Variants in DLGAP2 observed in about 807,000 individuals in gnomAD.
DLGAP2 encodes disks large-associated protein 2.
In DLGAP2, 26 loss-of-function variants were observed where a neutral mutation model predicts 100.3. The observed-to-expected ratio is 0.26, with a 90% CI of 0.19 to 0.36. The LOEUF (loss-of-function observed/expected upper bound fraction) is 0.36, where lower values mean the gene tolerates loss of function less well. Among genes scored for constraint, DLGAP2 ranks in the 10% least tolerant of loss-of-function variants. DLGAP2 has a pLI of 1.00. For synonymous variants in DLGAP2, 886 were observed against 630.1 expected, an observed-to-expected ratio of 1.41 and a Z score of -6.08; for missense variants, 1,858 against 1,453.2, an observed-to-expected ratio of 1.28 and a Z score of -4.53.
At chr8:1,219,734 C>T (rs886406256) in intron 2 of DLGAP2, among the ~76,000 whole-genome samples, 2 of 151,998 alleles carry the variant, frequency 1.3e-5, no homozygotes, top group African/African-American at 4.8e-5. Context: ...GCTGTGAATC[C>T]GTATGTCCCA....
At chr8:912,315 G>T (rs952195617) in intron 2 of DLGAP2, among the ~76,000 whole-genome samples, 1 of 152,308 alleles carries the variant, frequency 6.6e-6, no homozygotes, top group African/African-American at 2.4e-5. Flanking sequence ...TATAAAAGTT[G>T]GGTGGAAAGG....
intron 1 of DLGAP2, among the ~76,000 whole-genome samples, chr8:792,192 A>G (rs185429928): frequency 6.6e-6 from 1 of 152,356 alleles, no homozygotes. Flanking sequence ...ATATTTATGT[A>G]ATCACCACTT....
chr8:1,568,581 T>G (rs1802515020), intron 6 of DLGAP2, among the ~76,000 whole-genome samples: 1 of 113,156 alleles, frequency 8.8e-6, no homozygotes, highest in African/African-American at 3.5e-5. Context: ...CAGACACAAA[T>G]CCGTCTCTGC....
At chr8:1,269,304 C>G (rs1283131043) in intron 3 of DLGAP2, among the ~76,000 whole-genome samples, 1 of 152,172 alleles carries the variant, frequency 6.6e-6, no homozygotes, top group Non-Finnish European at 1.5e-5. Flanking sequence ...CCTGGAGCTC[C>G]CAGCCTGCAG....
At chr8:1,504,069 A>T (rs574562084) in intron 4 of DLGAP2, among the ~76,000 whole-genome samples, 2 of 152,100 alleles carry the variant, frequency 1.3e-5, no homozygotes, top group South Asian at 4.1e-4. Context: ...TGCAAATATT[A>T]GGTCTTGACC....
intron 3 of DLGAP2, among the ~76,000 whole-genome samples, chr8:1,436,622 A>C (rs1422605832): frequency 6.6e-6 from 1 of 152,178 alleles, no homozygotes; most frequent in Non-Finnish European, 1.5e-5. Context: ...TGAGGAATGA[A>C]AAGTATTTTT....
intron 2 of DLGAP2, among the ~76,000 whole-genome samples, chr8:928,319 G>A (rs552556977): frequency 6.6e-6 from 1 of 152,120 alleles, no homozygotes; most frequent in Non-Finnish European, 1.5e-5. Flanking sequence ...ATCCTGGACA[G>A]GGATTACGGA....
Position 1,511,188 on chromosome 8 carries a change from C to G in DLGAP2, c.172+9757C>G, listed in dbSNP as rs1020240512. Among the ~76,000 whole-genome samples the G allele has an allele frequency of 3.3e-4, 50 of 151,558 alleles. 1 individual carries two copies. Among genetic ancestry groups the G allele is most frequent in the Admixed American group, 1.3e-4 (2 of 15,262 alleles). On this transcript the variant is annotated intron_variant, in intron 4 of 14. Coordinates refer to ENST00000637795, the MANE Select transcript of DLGAP2 (RefSeq NM_001346810.2). ...TGTAGGACAATCAATAGATGACCAT[C>G]TTCCATGGACGTAAGTGCTGTCTAG...
intron 2 of DLGAP2, among the ~76,000 whole-genome samples, chr8:1,032,097 C>T (rs970997740): frequency 3.9e-5 from 6 of 152,248 alleles, no homozygotes; most frequent in African/African-American, 1.4e-4. Flanking sequence ...TTTCTGAAAA[C>T]ACATCTGCCC....
rs950666004 is a variant in DLGAP2, at chr8:1,253,864, G to A, written c.74-4987G>A. Among the ~76,000 whole-genome samples the A allele has an allele frequency of 2.6e-5, 4 of 152,202 alleles. No homozygotes were observed. The South Asian group carries it at 6.2e-4, about 24-fold the overall frequency. On this transcript the variant is annotated intron_variant, in intron 2 of 14. Transcript: ENST00000637795. The stretch of plus-strand genomic sequence containing the variant: ...GGGGAAGAATTCATTGAAAGGGTCC[G>A]TGCTGCTGTGAGTACGCTTGCTGTG...
chr8:970,027 T>C (rs998629511), intron 2 of DLGAP2, among the ~76,000 whole-genome samples: 2 of 152,222 alleles, frequency 1.3e-5, no homozygotes, highest in Non-Finnish European at 2.9e-5. Flanking sequence ...AGCAAAAAAT[T>C]GTTCACACCA....
intron 3 of DLGAP2, among the ~76,000 whole-genome samples, chr8:1,324,253 G>C (rs1800971277): frequency 6.6e-6 from 1 of 152,204 alleles, no homozygotes; most frequent in South Asian, 2.1e-4. Context: ...ACAGAATGGT[G>C]TTTGTAATTC....
chr8:1,409,278 C>A (rs1010347515), intron 3 of DLGAP2, among the ~76,000 whole-genome samples: 5 of 150,344 alleles, frequency 3.3e-5, no homozygotes, highest in African/African-American at 9.8e-5. Context: ...TTGTCTAGAC[C>A]AGCTGAAAAC....
At chr8:1,552,083 C>G (rs781112951) in intron 5 of DLGAP2, among the ~76,000 whole-genome samples, 1 of 152,196 alleles carries the variant, frequency 6.6e-6, no homozygotes, top group East Asian at 1.9e-4. Context: ...TCCAGACACT[C>G]TGGTCCTGTT....
At chr8:1,125,039 G>A (rs1279570183) in intron 2 of DLGAP2, among the ~76,000 whole-genome samples, 1 of 152,050 alleles carries the variant, frequency 6.6e-6, no homozygotes, top group Non-Finnish European at 1.5e-5. Flanking sequence ...CCTCGTTCAG[G>A]GTCTGTATTT....
At chr8:1,236,248 T>C (rs1798651122) in intron 2 of DLGAP2, among the ~76,000 whole-genome samples, 1 of 73,504 alleles carries the variant, frequency 1.4e-5, no homozygotes, top group Non-Finnish European at 2.7e-5. Context: ...GCACCATGTC[T>C]AGTTATCTCA....
At chr8:1,482,666 C>T (rs1332978208) in intron 3 of DLGAP2, among the ~76,000 whole-genome samples, 1 of 152,226 alleles carries the variant, frequency 6.6e-6, no homozygotes, top group Non-Finnish European at 1.5e-5. Flanking sequence ...GGAGTCCCTG[C>T]GCGGTGGTTC....
chr8:1,103,509 G>T (rs77623911), intron 2 of DLGAP2, among the ~76,000 whole-genome samples: 1 of 102,856 alleles, frequency 9.7e-6, no homozygotes, highest in Admixed American at 9.4e-5. Flanking sequence ...GATGACTGGC[G>T]GGGCCTTGGT....
chr8:1,199,742 C>T (rs1797829413), intron 2 of DLGAP2, among the ~76,000 whole-genome samples: 1 of 152,166 alleles, frequency 6.6e-6, no homozygotes, highest in South Asian at 2.1e-4. Context: ...GTATCTAGGA[C>T]ACTTTAGCAT....
Sources: allele counts gnomAD v4.1 joint callset (sites outside exome capture counted in the v4.1 genomes callset), GRCh38; gene constraint gnomAD v4.1.1; transcripts MANE v1.5; gene names NCBI Gene and HGNC (gene_info 2026-07-23, HGNC 2026-07-21).